Variants in TTC27 observed in about 807,000 individuals in gnomAD.
TTC27 encodes the protein tetratricopeptide repeat domain 27, also known as tetratricopeptide repeat protein 27.
TTC27 carries 79 observed loss-of-function variants against 115.9 expected under a neutral mutation model. That is an observed-to-expected ratio of 0.68 (90% confidence interval 0.57 to 0.82). The LOEUF is 0.82. Among genes scored for constraint, TTC27 ranks in the 40% least tolerant of loss-of-function variants. The probability of loss-of-function intolerance (pLI) is 0.00; values close to 1 mark genes in which losing one functional copy is unlikely to be tolerated. For synonymous variants in TTC27, 401 were observed against 356.0 expected (o/e 1.13, Z -1.42); for missense variants, 1,054 against 993.1 (o/e 1.06, Z -0.82).
chr2:32,748,673 C>T (rs574867454), intron 12 of TTC27, among the ~76,000 whole-genome samples: 3 of 148,114 alleles, frequency 2.0e-5, no homozygotes, highest in South Asian at 2.1e-4. Context: ...AAAAATGTGC[C>T]TTTGTTCTAA....
chr2:32,754,988 G>A (rs973577461), intron 12 of TTC27, among the ~76,000 whole-genome samples: 1 of 151,646 alleles, frequency 6.6e-6, no homozygotes, highest in Non-Finnish European at 1.5e-5. Context: ...AGACGGGGCG[G>A]CTGCCGGGCA....
chr2:32,774,425 T>C (rs998625646), intron 13 of TTC27, among the ~76,000 whole-genome samples: 1 of 152,158 alleles, frequency 6.6e-6, no homozygotes, highest in Non-Finnish European at 1.5e-5. Context: ...TCTGCCCACC[T>C]CAGCCTCCCA....
intron 15 of TTC27, among the ~76,000 whole-genome samples, chr2:32,785,998 G>A (rs1670335535): frequency 6.6e-6 from 1 of 151,824 alleles, no homozygotes. Flanking sequence ...ACAATTTTCT[G>A]TTCCTTTTCA....
At chr2:32,762,892 G>T (rs557837023) in intron 13 of TTC27, among the ~76,000 whole-genome samples, 15 of 152,002 alleles carry the variant, frequency 9.9e-5, no homozygotes, top group Non-Finnish European at 1.3e-4. Context: ...CGCCCGCCTC[G>T]GTCTCCCAAA....
chr2:32,815,450 A>G (rs1390441603), intron 18 of TTC27, among the ~76,000 whole-genome samples: 3 of 151,410 alleles, frequency 2.0e-5, no homozygotes, highest in African/African-American at 7.3e-5. Context: ...TGTTAGCCAG[A>G]ATGGTCTCAA....
At chr2:32,685,718 G>A (rs1666605734) in intron 9 of TTC27, among the ~76,000 whole-genome samples, 1 of 152,130 alleles carries the variant, frequency 6.6e-6, no homozygotes, top group African/African-American at 2.4e-5. Context: ...AGGAATAGAA[G>A]AGAATATCAA....
At chr2:32,650,322 G>A (rs552468905) in intron 5 of TTC27, 89 bp downstream of exon 5, 16 of 831,662 alleles carry the variant, frequency 1.9e-5, no homozygotes, top group East Asian at 2.8e-5. Context: ...TTTTTTGTCC[G>A]GTAGTAGTGC....
At position 32,638,989 on chromosome 2, in the gene TTC27, C is replaced by T. The variant is rs1353070547; in HGVS notation, c.397-1281C>T. Among the ~76,000 whole-genome samples, 8 of 152,116 alleles carry T rather than the reference C, an allele frequency of 5.3e-5. No homozygotes were observed. The South Asian group carries it at 8.3e-4, about 16-fold the overall frequency. On this transcript the variant is annotated intron_variant, in intron 3 of 19. Transcript: ENST00000317907. ...CTGGGACTACAGGCACCCACCACCACGCCCGGCTAATTTTTTGTAGTTTTA... is the reference window on the plus strand; with the variant it reads ...CTGGGACTACAGGCACCCACCACCATGCCCGGCTAATTTTTTGTAGTTTTA...
At chr2:32,711,264 T>C (rs968783799) in intron 10 of TTC27, among the ~76,000 whole-genome samples, 3 of 152,210 alleles carry the variant, frequency 2.0e-5, no homozygotes, top group African/African-American at 7.2e-5. Flanking sequence ...GAGAGTTGCG[T>C]AGTCCACTAC....
intron 6 of TTC27, 136 bp downstream of exon 6, chr2:32,664,603 T>G (rs1665696239): frequency 1.4e-6 from 1 of 733,730 alleles, no homozygotes; most frequent in East Asian, 2.9e-5. Context: ...AAGGTTTTAT[T>G]TACAAATTTA....
Position 32,628,252 on chromosome 2 carries a change from C to G in TTC27, c.-41C>G. The G allele has an allele frequency of 6.4e-7, 1 of 1,573,962 alleles. No homozygotes were observed. Among genetic ancestry groups the G allele is most frequent in the Non-Finnish European group, 8.6e-7 (1 of 1,157,446 alleles). ...TTTCTTTTGTTGACTCCCGTGTGGC[C>G]CTCGTGGGAGCCTGTTTTGGCTGCA... On this transcript the variant is annotated 5_prime_UTR_variant, in exon 1 of 20. Transcript: ENST00000317907.
intron 9 of TTC27, among the ~76,000 whole-genome samples, chr2:32,679,283 G>A (rs1218227168): frequency 6.6e-6 from 1 of 152,218 alleles, no homozygotes; most frequent in Non-Finnish European, 1.5e-5. Flanking sequence ...GGACAATTAG[G>A]AGTGCATTGG....
intron 9 of TTC27, among the ~76,000 whole-genome samples, chr2:32,695,892 A>C (rs1363150759): frequency 6.6e-6 from 1 of 150,710 alleles, no homozygotes; most frequent in African/African-American, 2.5e-5. Context: ...CAACAAGAGT[A>C]AAACTCCATC....
At chr2:32,798,089 C>T (rs1413907168) in intron 16 of TTC27, among the ~76,000 whole-genome samples, 2 of 128,168 alleles carry the variant, frequency 1.6e-5, no homozygotes, top group African/African-American at 6.5e-5. Flanking sequence ...AGGATGGCTA[C>T]TAGAAAAAAA....
chr2:32,762,944 A>T (rs1669498786), intron 13 of TTC27, among the ~76,000 whole-genome samples: 2 of 152,132 alleles, frequency 1.3e-5, no homozygotes, highest in South Asian at 4.2e-4. Flanking sequence ...TCAGCCCAAT[A>T]GCCTAGTTTT....
chr2:32,670,817 C>G (rs147808915), intron 7 of TTC27, among the ~76,000 whole-genome samples: 51 of 151,680 alleles, frequency 3.4e-4, no homozygotes, highest in African/African-American at 1.2e-3. Flanking sequence ...GGGGTTTTTG[C>G]CATGTTTGCC....
At chr2:32,808,083 C>T (rs1671195565) in intron 16 of TTC27, among the ~76,000 whole-genome samples, 1 of 151,994 alleles carries the variant, frequency 6.6e-6, no homozygotes, top group Non-Finnish European at 1.5e-5. Context: ...CAGGTACCCA[C>T]CACCACACCC....
intron 19 of TTC27, among the ~76,000 whole-genome samples, chr2:32,818,351 A>G (rs962559915): frequency 1.1e-4 from 17 of 152,234 alleles, no homozygotes; most frequent in African/African-American, 4.1e-4. Flanking sequence ...ATTGACTTAG[A>G]TAAAAATATT....
At chr2:32,644,180 CAAAAAAA>C (rs70938356) in intron 4 of TTC27, among the ~76,000 whole-genome samples, 3 of 75,408 alleles carry the variant, frequency 4.0e-5, no homozygotes, top group East Asian at 3.9e-4. Context: ...GACTCTGTTT[CAAAAAAA>C]AAAAAAAAAA....
Sources: gnomAD v4.1 joint callset for allele counts (sites outside exome capture counted in the v4.1 genomes callset) on GRCh38, gnomAD v4.1.1 for gene constraint, MANE v1.5 for transcripts, NCBI Gene and HGNC (gene_info 2026-07-23, HGNC 2026-07-21) for gene names.